CDKL1: variants seen among roughly 807,000 people sequenced by gnomAD.
CDKL1 encodes the protein cyclin dependent kinase like 1.
In CDKL1, 41 loss-of-function variants were observed where a neutral mutation model predicts 42.0. That is an observed-to-expected ratio of 0.98 (90% CI 0.76 to 1.27). The LOEUF (loss-of-function observed/expected upper bound fraction) is 1.27. Ranked by LOEUF, CDKL1 falls within the 50% of genes most tolerant of loss-of-function variation. The pLI is 0.00. For synonymous variants in CDKL1, 153 were observed against 158.6 expected (o/e 0.96, Z 0.26); for missense variants, 394 against 428.4 (o/e 0.92, Z 0.71).
chr14:50,332,902 A>AT, intron 8 of CDKL1: 1 of 346,172 alleles, frequency 2.9e-6, no homozygotes, highest in Non-Finnish European at 4.9e-6. Flanking sequence ...AAAATCAGCT[A>AT]CTTTTTTTTT....
Position 50,392,039 on chromosome 14 carries a change from T to C in CDKL1, c.168+3662A>G, listed in dbSNP as rs544942676. Among the ~76,000 whole-genome samples the C allele has an allele frequency of 1.8e-4, 27 of 152,332 alleles. No homozygotes were observed. The East Asian group carries it at 5.0e-3, about 28-fold the overall frequency. On this transcript the variant is annotated intron_variant, in intron 2 of 9. Coordinates refer to ENST00000395834, the MANE Select transcript of CDKL1 (RefSeq NM_004196.7). ...CCTGCCTCTCCACTCACACAGCTCTTGTCAAGGTCGCCAAAGACCCTCACA... is the reference window on the plus strand; with the variant it reads ...CCTGCCTCTCCACTCACACAGCTCTCGTCAAGGTCGCCAAAGACCCTCACA...
chr14:50,379,167 T>G (rs1380300875), intron 2 of CDKL1, among the ~76,000 whole-genome samples: 1 of 152,192 alleles, frequency 6.6e-6, no homozygotes, highest in Non-Finnish European at 1.5e-5. Flanking sequence ...TCTTAAAATG[T>G]GCTGCTGGCA....
At chr14:50,362,906 A>G (rs576241702) in intron 2 of CDKL1, 16 of 446,426 alleles carry the variant, frequency 3.6e-5, no homozygotes, top group Admixed American at 4.7e-5. Flanking sequence ...CACCATTCAC[A>G]CTGTGGAAGC....
chr14:50,366,452 GA>G (rs1161232803), intron 2 of CDKL1, among the ~76,000 whole-genome samples: 6 of 152,232 alleles, frequency 3.9e-5, no homozygotes, highest in Non-Finnish European at 8.8e-5. Context: ...CAGCCAGTCA[GA>G]AGGCAGATCC....
At chr14:50,363,390 G>C (rs2034340436) in intron 2 of CDKL1, 1 of 155,038 alleles carries the variant, frequency 6.5e-6, no homozygotes, top group Non-Finnish European at 1.4e-5. Flanking sequence ...TAGTAGGATA[G>C]AACTGACTAC....
At chr14:50,362,969 C>T (rs28434133) in intron 2 of CDKL1, 24 of 465,830 alleles carry the variant, frequency 5.2e-5, no homozygotes, top group African/African-American at 1.0e-4. Flanking sequence ...GCTTTGGGTC[C>T]GCACTGCTGT....
At chr14:50,390,308 CCA>C in intron 2 of CDKL1, 1 of 1,366,322 alleles carries the variant, frequency 7.3e-7, no homozygotes, top group African/African-American at 1.5e-5. Context: ...CCCAGGGATC[CCA>C]CAGTGACACT....
At chr14:50,386,268 C>CA (rs1343714999) in intron 2 of CDKL1, among the ~76,000 whole-genome samples, 1 of 151,804 alleles carries the variant, frequency 6.6e-6, no homozygotes, top group African/African-American at 2.4e-5. Flanking sequence ...CCTATCTCTA[C>CA]AAAAAATAAA....
chr14:50,348,490 C>G (rs115045960), intron 3 of CDKL1, among the ~76,000 whole-genome samples: 101 of 152,334 alleles, frequency 6.6e-4, no homozygotes, highest in African/African-American at 2.4e-3. Context: ...TGTACACATA[C>G]AAAATGCTGA....
In CDKL1 at chr14:50,390,345, G is replaced by A. The variant is rs578148763; in HGVS notation, c.168+5356C>T. ...TGTCCTGTCCTTGACCTCCAACTCC[G>A]CTAGGAGCATCTACTTTTTCTGCCA... On this transcript the variant is annotated intron_variant, in intron 2 of 9. Coordinates refer to ENST00000395834, the MANE Select transcript of CDKL1 (RefSeq NM_004196.7). The A allele has an allele frequency of 2.3e-5, 31 of 1,366,256 alleles. No individual in the cohort carries two copies. In the Admixed American group the frequency reaches 3.2e-4, roughly 14 times the overall value. The allele number at this position is 1,366,256 out of a possible 1,614,324, so 84.6% of individuals were successfully genotyped here.
chr14:50,375,662 T>C (rs2034708275), intron 2 of CDKL1, among the ~76,000 whole-genome samples: 1 of 152,138 alleles, frequency 6.6e-6, no homozygotes. Context: ...CCGGGTGTGG[T>C]GGCAGGCACC....
At chr14:50,392,452 AAATAATAAT>A (rs56882058) in intron 2 of CDKL1, among the ~76,000 whole-genome samples, 45 of 134,490 alleles carry the variant, frequency 3.3e-4, no homozygotes, top group South Asian at 1.2e-3. Context: ...TCCAAAAAAG[AAATAATAAT>A]AATAATAATA....
upstream of CDKL1, chr14:50,397,029 C>T: frequency 8.1e-7 from 1 of 1,240,272 alleles, no homozygotes; most frequent in Non-Finnish European, 1.1e-6. Context: ...CTCGGAGGGC[C>T]GCCCTCCGTC....
At chr14:50,377,598 T>C in intron 2 of CDKL1, 1 of 1,357,302 alleles carries the variant, frequency 7.4e-7, no homozygotes, top group South Asian at 1.2e-5. Context: ...GGATCAATCA[T>C]GGAGCAGATG....
intron 3 of CDKL1, among the ~76,000 whole-genome samples, chr14:50,358,634 G>GTTTTTTTTTTTTTT (rs1379484175): frequency 1.8e-4 from 8 of 45,122 alleles, no homozygotes; most frequent in Non-Finnish European, 2.3e-4. Context: ...TTTTTAACTA[G>GTTTTTTTTTTTTTT]TCTTTTTTTT....
chr14:50,341,150 G>T lies in CDKL1; in HGVS notation c.537C>A (p.Tyr179Ter), dbSNP rs532944255. The change falls in exon 6 of 10, where the codon TAC (tyrosine) becomes TAA (stop). Residue 179 changes from tyrosine (Y) to a stop codon, truncating the protein, a stop_gained. Transcript: ENST00000395834. LOFTEE classifies it high-confidence loss of function. The part of the protein sequence containing the change: ...SPELLVGDTQ[Y>*]GPPVDVWAIG... The stretch of plus-strand genomic sequence containing the variant: ...TTGCCCAAACATCCACCGGGGGGCC[G>T]TACTGCGTGTCCCCCACCAGCAGCT... 4.4e-5 allele frequency: 71 copies of T among 1,614,170 alleles called. 1 individual carries two copies. In the South Asian group the frequency reaches 7.6e-4, roughly 17 times the overall value.
At chr14:50,361,149 T>C (rs1441908439) in intron 2 of CDKL1, among the ~76,000 whole-genome samples, 1 of 152,204 alleles carries the variant, frequency 6.6e-6, no homozygotes, top group Non-Finnish European at 1.5e-5. Flanking sequence ...ACAAGCAGGC[T>C]ACTCCATCAG....
chr14:50,369,681 C>T (rs1191849081), intron 2 of CDKL1, among the ~76,000 whole-genome samples: 2 of 151,592 alleles, frequency 1.3e-5, no homozygotes, highest in Admixed American at 6.6e-5. Context: ...TGCAGTGGCA[C>T]GATCTCAGCT....
chr14:50,346,452 AG>A (rs1402540863), intron 3 of CDKL1, among the ~76,000 whole-genome samples: 1 of 151,658 alleles, frequency 6.6e-6, no homozygotes, highest in East Asian at 1.9e-4. Context: ...GCTTTTCCCC[AG>A]CCTCCACTTT....
Sources: gnomAD v4.1 joint callset for allele counts (sites outside exome capture counted in the v4.1 genomes callset) on GRCh38, gnomAD v4.1.1 for gene constraint, MANE v1.5 for transcripts, NCBI Gene and HGNC (gene_info 2026-07-23, HGNC 2026-07-21) for gene names.